Variants in KCNK3 observed in about 807,000 individuals in gnomAD.
KCNK3 encodes potassium channel subfamily K member 3.
Under a neutral mutation model 27.3 loss-of-function variants are expected in KCNK3, and 9 were observed. The ratio of observed to expected loss-of-function variants is 0.33; its 90% confidence interval spans 0.20 to 0.57. The LOEUF (loss-of-function observed/expected upper bound fraction) is 0.57, where lower values mean the gene tolerates loss of function less well. KCNK3 is among the 20% of genes least tolerant of loss of function. The pLI, the probability that KCNK3 is intolerant of heterozygous loss-of-function variation, is 0.87. For synonymous variants in KCNK3, 278 were observed against 273.8 expected, an observed-to-expected ratio of 1.02 and a Z score of -0.15; for missense variants, 391 against 577.7, an observed-to-expected ratio of 0.68 and a Z score of 3.31.
intron 1 of KCNK3, among the ~76,000 whole-genome samples, chr2:26,712,908 T>C (rs573196423): frequency 2.0e-5 from 3 of 152,118 alleles, no homozygotes; most frequent in South Asian, 4.2e-4. Flanking sequence ...TCCTTTCACA[T>C]CTCCTGGCAT....
intron 1 of KCNK3, among the ~76,000 whole-genome samples, chr2:26,697,844 A>G (rs1183689095): frequency 6.6e-6 from 1 of 152,056 alleles, no homozygotes; most frequent in East Asian, 1.9e-4. Context: ...ATGGCCTGAG[A>G]ACCCTTAGAC....
chr2:26,727,586 G>T, intron 1 of KCNK3, 81 bp from the exon 2 acceptor site: 1 of 1,507,440 alleles, frequency 6.6e-7, no homozygotes. Flanking sequence ...AGGTGGCGGG[G>T]CAACGGGGAG....
chr2:26,718,793 G>T (rs984545624), intron 1 of KCNK3, among the ~76,000 whole-genome samples: 6 of 151,722 alleles, frequency 4.0e-5, no homozygotes, highest in Non-Finnish European at 8.8e-5. Flanking sequence ...TTTTTTTCTA[G>T]AGATGGGTCT....
In KCNK3 at chr2:26,731,703, C is replaced by T. The variant is rs1249332453; in HGVS notation, c.*3135C>T. The T allele has an allele frequency of 6.6e-6, 1 of 152,278 alleles. No homozygotes were observed. Among genetic ancestry groups the T allele is most frequent in the East Asian group, 1.9e-4 (1 of 5,204 alleles). The allele number at this position is 152,278 out of a possible 1,614,324, so 9.4% of individuals were successfully genotyped here. A position where few individuals can be genotyped will look rare whatever the true frequency, so the allele number is the denominator to read the frequency against. Reference sequence around the variant, plus strand: ...GAAGATCCAGATTTTCTTAAGTCCCCTTGGAACAGACTAAGAAAGGATCAC... The same window carrying T: ...GAAGATCCAGATTTTCTTAAGTCCCTTTGGAACAGACTAAGAAAGGATCAC... On this transcript the variant is annotated 3_prime_UTR_variant, in exon 2 of 2. Coordinates refer to ENST00000302909, the MANE Select transcript of KCNK3 (RefSeq NM_002246.3).
rs1447941011 is a variant in KCNK3, at chr2:26,727,658, T to C, written c.284-9T>C. 3 of 1,510,646 alleles carry C rather than the reference T, an allele frequency of 2.0e-6. No individual in the cohort carries two copies. Among genetic ancestry groups the C allele is most frequent in the Non-Finnish European group, 2.7e-6 (3 of 1,129,226 alleles). The allele number at this position is 1,510,646 out of a possible 1,614,324, so 93.6% of individuals were successfully genotyped here. On this transcript the variant is annotated splice_polypyrimidine_tract_variant and intron_variant, in intron 1 of 1. Coordinates refer to ENST00000302909, the MANE Select transcript of KCNK3 (RefSeq NM_002246.3). ...TGTGCTTTTTCTCCTCTTTCCCACT[T>C]TCCCCCAGGCTACGGGCACGCGGCA...
chr2:26,715,558 G>A (rs1230682111), intron 1 of KCNK3, among the ~76,000 whole-genome samples: 1 of 152,228 alleles, frequency 6.6e-6, no homozygotes, highest in Non-Finnish European at 1.5e-5. Flanking sequence ...CATGAGATGA[G>A]TGGCAGGGAG....
At chr2:26,710,010 C>G (rs2148261245) in intron 1 of KCNK3, among the ~76,000 whole-genome samples, 1 of 152,370 alleles carries the variant, frequency 6.6e-6, no homozygotes, top group East Asian at 1.9e-4. Context: ...GCCTCTGCCT[C>G]CCTCCTCCAG....
intron 1 of KCNK3, among the ~76,000 whole-genome samples, chr2:26,700,058 C>T (rs566600170): frequency 5.3e-5 from 8 of 152,300 alleles, no homozygotes; most frequent in African/African-American, 1.9e-4. Flanking sequence ...GCTTCAGGGT[C>T]TCTTGCCCTC....
At chr2:26,698,701 C>A (rs535230616) in intron 1 of KCNK3, among the ~76,000 whole-genome samples, 1 of 152,190 alleles carries the variant, frequency 6.6e-6, no homozygotes, top group African/African-American at 2.4e-5. Context: ...ACCCTTTCCC[C>A]TTATCTTCCC....
intron 1 of KCNK3, among the ~76,000 whole-genome samples, chr2:26,720,748 G>A (rs1453926048): frequency 2.0e-5 from 3 of 152,140 alleles, no homozygotes; most frequent in Non-Finnish European, 1.5e-5. Context: ...GAGGAGATGG[G>A]ACAATGGGAA....
intron 1 of KCNK3, among the ~76,000 whole-genome samples, chr2:26,712,055 A>G (rs1048399242): frequency 2.0e-5 from 3 of 152,178 alleles, no homozygotes; most frequent in Admixed American, 6.5e-5. Context: ...CTCTCCTCTT[A>G]TACCCTGGCC....
At chr2:26,707,630 A>C (rs1670392030) in intron 1 of KCNK3, among the ~76,000 whole-genome samples, 1 of 152,180 alleles carries the variant, frequency 6.6e-6, no homozygotes, top group Non-Finnish European at 1.5e-5. Context: ...CTACACAGTC[A>C]TGTACTCAAC....
chr2:26,703,466 T>C (rs191134544), intron 1 of KCNK3, among the ~76,000 whole-genome samples: 259 of 152,308 alleles, frequency 1.7e-3, no homozygotes, highest in Non-Finnish European at 2.9e-3. Context: ...AACCCTGAGA[T>C]GCTTTGATTT....
intron 1 of KCNK3, among the ~76,000 whole-genome samples, chr2:26,699,175 C>G (rs1391560195): frequency 8.8e-6 from 1 of 113,864 alleles, no homozygotes; most frequent in Non-Finnish European, 1.7e-5. Context: ...AAGACTCCGT[C>G]TCAGAAAAAA....
At position 26,693,873 on chromosome 2, in the gene KCNK3, C is replaced by T. The variant is rs112133517; in HGVS notation, c.283+715C>T. ...GCAGATCACCATGTAGGAGGCCACA[C>T]GTACACCCAGACTGTCAGACAACAC... On this transcript the variant is annotated intron_variant, in intron 1 of 1. Coordinates refer to ENST00000302909, the MANE Select transcript of KCNK3 (RefSeq NM_002246.3). The surrounding 1 kb of genome is among the most constrained non-coding windows in gnomAD (Gnocchi z 5.5). Among the ~76,000 whole-genome samples the T allele has an allele frequency of 9.0e-3, 1,364 of 152,180 alleles. 19 individuals carry two copies. The highest frequency in any genetic ancestry group is 0.031 in the African/African-American group (1,307 of 41,494).
At chr2:26,702,073 A>G (rs1475521393) in intron 1 of KCNK3, among the ~76,000 whole-genome samples, 1 of 152,092 alleles carries the variant, frequency 6.6e-6, no homozygotes, top group African/African-American at 2.4e-5. Context: ...TAAGCCTAGG[A>G]CCTATTAGTT....
At chr2:26,695,410 T>TGG (rs1159733929) in intron 1 of KCNK3, among the ~76,000 whole-genome samples, 1 of 152,158 alleles carries the variant, frequency 6.6e-6, no homozygotes, top group Non-Finnish European at 1.5e-5. Flanking sequence ...ATCTTGTCCA[T>TGG]GCTAACCTTC....
intron 1 of KCNK3, among the ~76,000 whole-genome samples, chr2:26,718,214 GC>G (rs368990796): frequency 2.0e-5 from 3 of 152,054 alleles, no homozygotes; most frequent in African/African-American, 7.3e-5. Context: ...CCACGCCCCT[GC>G]CCAGGGTTGC....
chr2:26,696,728 T>G (rs1670239639), intron 1 of KCNK3, among the ~76,000 whole-genome samples: 1 of 152,152 alleles, frequency 6.6e-6, no homozygotes, highest in Non-Finnish European at 1.5e-5. Context: ...GGCCCAAGCC[T>G]CATCTATTCA....
Sources: gnomAD v4.1 joint callset for allele counts (sites outside exome capture counted in the v4.1 genomes callset) on GRCh38, gnomAD v4.1.1 for gene constraint, Gnocchi (gnomAD v3.1) non-coding constraint, MANE v1.5 for transcripts, NCBI Gene and HGNC (gene_info 2026-07-23, HGNC 2026-07-21) for gene names.